DEUP1: variants seen among roughly 807,000 people sequenced by gnomAD.
DEUP1 encodes coiled-coil domain containing 67.
A neutral mutation model predicts 87.4 loss-of-function variants in DEUP1; 82 were observed. The observed-to-expected ratio is 0.94, with a 90% CI of 0.78 to 1.13. The LOEUF (loss-of-function observed/expected upper bound fraction) is 1.13, where lower values mean the gene tolerates loss of function less well. Ranked by LOEUF, DEUP1 falls within the 50% of genes most tolerant of loss-of-function variation. The probability of loss-of-function intolerance (pLI) is 0.00; values close to 1 mark genes in which losing one functional copy is unlikely to be tolerated. For missense variants in DEUP1, 663 were observed against 681.5 expected, an observed-to-expected ratio of 0.97 and a Z score of 0.30; for synonymous variants, 214 against 222.7, an observed-to-expected ratio of 0.96 and a Z score of 0.35.
At chr11:93,357,759 A>G (rs1172876629) in intron 4 of DEUP1, among the ~76,000 whole-genome samples, 1 of 152,178 alleles carries the variant, frequency 6.6e-6, no homozygotes, top group Non-Finnish European at 1.5e-5. Flanking sequence ...TTCACATATG[A>G]TAATTTAATT....
At position 93,371,236 on chromosome 11, in the gene DEUP1, CAGA is replaced by C. The variant is rs768523175; in HGVS notation, c.748_750del (p.Lys250del). The C allele has an allele frequency of 3.1e-6, 5 of 1,613,166 alleles. No individual in the cohort carries two copies. Among genetic ancestry groups the C allele is most frequent in the Non-Finnish European group, 4.2e-6 (5 of 1,179,584 alleles). On this transcript the variant is annotated inframe_deletion, in exon 7 of 14. Transcript: ENST00000298050. ...CAGGAATAAATTACAAGATGAAAATCAGAAGCTCTTGCAAGAACTGAAAATGTA... is the reference window on the plus strand; with the variant it reads ...CAGGAATAAATTACAAGATGAAAATCAGCTCTTGCAAGAACTGAAAATGTA...
intron 8 of DEUP1, 123 bp downstream of exon 8, chr11:93,385,666 G>T: frequency 4.9e-6 from 3 of 613,176 alleles, no homozygotes; most frequent in South Asian, 3.4e-5. Flanking sequence ...GTTAATTAGT[G>T]GGTAATATTA....
At chr11:93,406,500 A>C in intron 11 of DEUP1, among the ~76,000 whole-genome samples, 1 of 151,980 alleles carries the variant, frequency 6.6e-6, no homozygotes, top group East Asian at 1.9e-4. Context: ...AATGTAAAAT[A>C]ATGAAATTAT....
intron 2 of DEUP1, among the ~76,000 whole-genome samples, chr11:93,334,030 A>T (rs1013986897): frequency 5.9e-5 from 9 of 152,216 alleles, no homozygotes; most frequent in African/African-American, 2.2e-4. Context: ...AGAATTTAGT[A>T]AGGAACAGTA....
chr11:93,436,792 C>T (rs547848550), intron 13 of DEUP1, among the ~76,000 whole-genome samples: 2 of 151,788 alleles, frequency 1.3e-5, no homozygotes. Context: ...TACAGATTTC[C>T]CCAACAAAAA....
intron 7 of DEUP1, among the ~76,000 whole-genome samples, chr11:93,373,621 A>ATT (rs1201327465): frequency 9.1e-5 from 3 of 32,844 alleles, no homozygotes; most frequent in African/African-American, 1.8e-4. Context: ...ATGTATATAT[A>ATT]TACGTATATA....
chr11:93,430,306 A>G, intron 13 of DEUP1, among the ~76,000 whole-genome samples: 1 of 152,182 alleles, frequency 6.6e-6, no homozygotes, highest in East Asian at 1.9e-4. Context: ...TAGACACATA[A>G]GTAGTATGGT....
At chr11:93,351,617 A>C (rs936475994) in intron 2 of DEUP1, among the ~76,000 whole-genome samples, 1 of 152,242 alleles carries the variant, frequency 6.6e-6, no homozygotes, top group Non-Finnish European at 1.5e-5. Flanking sequence ...AATTCCAATT[A>C]AATTTCAATC....
chr11:93,365,029 A>T (rs1945347311), intron 5 of DEUP1, among the ~76,000 whole-genome samples: 1 of 152,012 alleles, frequency 6.6e-6, no homozygotes, highest in Non-Finnish European at 1.5e-5. Flanking sequence ...TTTTACCTGG[A>T]TTCTCAGTAC....
chr11:93,380,781 G>A (rs988358932), intron 7 of DEUP1, among the ~76,000 whole-genome samples: 1 of 152,006 alleles, frequency 6.6e-6, no homozygotes, highest in Non-Finnish European at 1.5e-5. Context: ...TTTTTTACAA[G>A]TATTTGTTCA....
intron 11 of DEUP1, among the ~76,000 whole-genome samples, chr11:93,401,154 A>C (rs965907930): frequency 2.6e-5 from 4 of 152,198 alleles, no homozygotes; most frequent in African/African-American, 9.6e-5. Context: ...TCAATAGTGA[A>C]TAATCTGAAA....
At chr11:93,372,150 G>A (rs1591164801) in intron 7 of DEUP1, among the ~76,000 whole-genome samples, 1 of 151,760 alleles carries the variant, frequency 6.6e-6, no homozygotes, top group South Asian at 2.1e-4. Context: ...GGATGGTCTC[G>A]ATCTCCTGAC....
chr11:93,332,844 C>A (rs899210170), intron 2 of DEUP1, among the ~76,000 whole-genome samples: 1 of 152,170 alleles, frequency 6.6e-6, no homozygotes, highest in African/African-American at 2.4e-5. Flanking sequence ...TACCTGCTAC[C>A]TGCATCACAG....
rs544136514 is a variant in DEUP1 at position 93,372,848 on chromosome 11, T to C, written c.789+1568T>C. Among the ~76,000 whole-genome samples the C allele has an allele frequency of 5.3e-5, 8 of 152,344 alleles. No individual in the cohort carries two copies. The East Asian group carries it at 1.5e-3, about 29-fold the overall frequency. On this transcript the variant is annotated intron_variant, in intron 7 of 13. Transcript: ENST00000298050. ...GATGGTGTTTTCTCTGGCTTCATTC[T>C]AATATAAATGAGGTTAGCACTCATT...
chr11:93,389,416 C>G (rs972747807), intron 9 of DEUP1, among the ~76,000 whole-genome samples: 4 of 152,212 alleles, frequency 2.6e-5, no homozygotes, highest in Admixed American at 2.0e-4. Context: ...AGCACAGACT[C>G]TGGTGCTCAA....
At chr11:93,355,310 A>AT (rs1329482535) in intron 2 of DEUP1, 61 bp from the exon 3 acceptor site, 40 of 1,451,894 alleles carry the variant, frequency 2.8e-5, no homozygotes, top group Admixed American at 3.8e-5. Flanking sequence ...CAATGTAATA[A>AT]TTTTTTTTGC....
At chr11:93,403,146 G>A (rs942084952) in intron 11 of DEUP1, among the ~76,000 whole-genome samples, 6 of 151,818 alleles carry the variant, frequency 4.0e-5, no homozygotes, top group Non-Finnish European at 8.8e-5. Flanking sequence ...ATCAATAAAA[G>A]AAGAATTTAA....
intron 2 of DEUP1, among the ~76,000 whole-genome samples, chr11:93,342,719 G>A (rs1287965565): frequency 6.6e-6 from 1 of 152,194 alleles, no homozygotes; most frequent in Non-Finnish European, 1.5e-5. Flanking sequence ...ACAAAGGAAG[G>A]ATAGATATTG....
chr11:93,402,717 A>C (rs1011521742), intron 11 of DEUP1, among the ~76,000 whole-genome samples: 1 of 152,054 alleles, frequency 6.6e-6, no homozygotes, highest in Admixed American at 6.6e-5. Flanking sequence ...CAGTTGTAGC[A>C]AATGGATGAA....
Sources: gnomAD v4.1 joint callset for allele counts (sites outside exome capture counted in the v4.1 genomes callset) on GRCh38, gnomAD v4.1.1 for gene constraint, MANE v1.5 for transcripts, NCBI Gene and HGNC (gene_info 2026-07-23, HGNC 2026-07-21) for gene names.